RALYL: variants seen among roughly 807,000 people sequenced by gnomAD.
The protein encoded by RALYL is RALY RNA binding protein like, also known as RNA-binding Raly-like protein.
In RALYL, 29 loss-of-function variants were observed where a neutral mutation model predicts 35.1. The observed-to-expected ratio is 0.83, with a 90% CI of 0.61 to 1.13. The LOEUF (loss-of-function observed/expected upper bound fraction) is 1.13, where lower values mean the gene tolerates loss of function less well. RALYL is among the 50% of genes most tolerant of loss of function. The pLI, the probability that RALYL is intolerant of heterozygous loss-of-function variation, is 0.00. For missense variants in RALYL, 359 were observed against 360.4 expected, an observed-to-expected ratio of 1.00 and a Z score of 0.03; for synonymous variants, 120 against 127.6, an observed-to-expected ratio of 0.94 and a Z score of 0.40.
intron 2 of RALYL, among the ~76,000 whole-genome samples, chr8:84,543,940 A>C (rs1554715400): frequency 6.6e-6 from 1 of 152,156 alleles, no homozygotes; most frequent in East Asian, 1.9e-4. Context: ...CTTCTCAATG[A>C]CACTATTATG....
At chr8:84,371,940 G>A (rs1437341009) in intron 1 of RALYL, among the ~76,000 whole-genome samples, 3 of 151,976 alleles carry the variant, frequency 2.0e-5, no homozygotes, top group African/African-American at 7.3e-5. Flanking sequence ...GATGCTGTGT[G>A]CAGCCCGCTA....
At position 84,454,240 on chromosome 8, in the gene RALYL, A is replaced by T. The variant is rs566571303; in HGVS notation, c.-23-75059A>T. On this transcript the variant is annotated intron_variant, in intron 1 of 8. Coordinates refer to ENST00000521268, the MANE Select transcript of RALYL (RefSeq NM_173848.7). The stretch of plus-strand genomic sequence containing the variant: ...GCAGAGTCAGAGTCATATTTTAGAG[A>T]TGTAAGATGGGGGAAGTGGTGACTA... 5.9e-4 allele frequency among the ~76,000 whole-genome samples: 90 copies of T among 151,972 alleles called. 2 individuals are homozygous for T. The South Asian group carries it at 0.018, about 30-fold the overall frequency.
At chr8:84,265,634 T>C (rs1257853698) in intron 1 of RALYL, among the ~76,000 whole-genome samples, 1 of 147,310 alleles carries the variant, frequency 6.8e-6, no homozygotes, top group Non-Finnish European at 1.6e-5. Context: ...ATGAAACCAA[T>C]GTCAGACTGT....
At chr8:84,269,126 ATATTT>A (rs1232193604) in intron 1 of RALYL, among the ~76,000 whole-genome samples, 2 of 152,158 alleles carry the variant, frequency 1.3e-5, no homozygotes, top group African/African-American at 2.4e-5. Context: ...ATTTTTCTAA[ATATTT>A]TAGGTCTTTC....
chr8:84,483,883 C>A (rs1309893274), intron 1 of RALYL, among the ~76,000 whole-genome samples: 1 of 152,144 alleles, frequency 6.6e-6, no homozygotes, highest in South Asian at 2.1e-4. Context: ...TTGTTTTATA[C>A]ATTCTCTGTT....
Position 84,406,061 on chromosome 8 carries a change from TAA to T in RALYL, c.-23-123224_-23-123223del, listed in dbSNP as rs60532162. 2.1e-3 allele frequency among the ~76,000 whole-genome samples: 268 copies of T among 127,160 alleles called. 1 individual carries two copies. The highest frequency in any genetic ancestry group is 5.0e-3 in the African/African-American group (178 of 35,298). 83.4% of individuals were successfully genotyped at this position (127,160 alleles called of 152,430 possible). ...ATTCTGTACCATTTCATACCTAAAG[TAA>T]AAAAAAAAAAAAAGAATAACAAAAA... On this transcript the variant is annotated intron_variant, in intron 1 of 8. Transcript: ENST00000521268.
intron 2 of RALYL, among the ~76,000 whole-genome samples, chr8:84,606,331 A>G (rs1480589771): frequency 6.6e-6 from 1 of 152,146 alleles, no homozygotes; most frequent in Non-Finnish European, 1.5e-5. Context: ...TCCCCCAGTT[A>G]TTTGAGCAGG....
At chr8:84,641,137 C>A (rs1309066645) in intron 2 of RALYL, among the ~76,000 whole-genome samples, 1 of 151,006 alleles carries the variant, frequency 6.6e-6, no homozygotes, top group Non-Finnish European at 1.5e-5. Context: ...TTCTTTATAA[C>A]CTTTTTATTT....
chr8:84,636,921 C>T (rs374333408), intron 2 of RALYL, among the ~76,000 whole-genome samples: 13 of 151,932 alleles, frequency 8.6e-5, no homozygotes, highest in African/African-American at 3.1e-4. Flanking sequence ...ACCCCTTCAC[C>T]TAAATGGAAT....
At chr8:84,672,921 T>C (rs1833540761) in intron 2 of RALYL, among the ~76,000 whole-genome samples, 1 of 152,198 alleles carries the variant, frequency 6.6e-6, no homozygotes, top group Admixed American at 6.5e-5. Flanking sequence ...GTTCATGTTA[T>C]TGCACTAGTC....
chr8:84,678,308 A>C (rs2131925200), intron 2 of RALYL, among the ~76,000 whole-genome samples: 1 of 152,020 alleles, frequency 6.6e-6, no homozygotes, highest in African/African-American at 2.4e-5. Flanking sequence ...TTGTCACCCA[A>C]GCTGGAGTGC....
chr8:84,516,708 A>T (rs2134554234), intron 1 of RALYL, among the ~76,000 whole-genome samples: 1 of 152,290 alleles, frequency 6.6e-6, no homozygotes, highest in South Asian at 2.1e-4. Context: ...AGTCTGCATT[A>T]AGATATCCCA....
intron 1 of RALYL, among the ~76,000 whole-genome samples, chr8:84,464,130 AG>A (rs1587500910): frequency 7.8e-6 from 1 of 128,086 alleles, no homozygotes; most frequent in African/African-American, 2.9e-5. Flanking sequence ...CATTAAAACA[AG>A]TTTTTTTTTT....
intron 8 of RALYL, among the ~76,000 whole-genome samples, chr8:84,916,964 T>G (rs756224504): frequency 1.4e-5 from 2 of 145,708 alleles, no homozygotes; most frequent in Non-Finnish European, 2.9e-5. Context: ...AGTTCCTCCT[T>G]TTTCCTTTTC....
At chr8:84,863,056 G>A (rs1471594335) in intron 6 of RALYL, among the ~76,000 whole-genome samples, 4 of 152,140 alleles carry the variant, frequency 2.6e-5, no homozygotes, top group Non-Finnish European at 5.9e-5. Flanking sequence ...TTTATATGGA[G>A]TGATACAGAA....
At chr8:84,798,815 G>A (rs1002523978) in intron 3 of RALYL, among the ~76,000 whole-genome samples, 1 of 152,162 alleles carries the variant, frequency 6.6e-6, no homozygotes, top group African/African-American at 2.4e-5. Flanking sequence ...ACACACATAT[G>A]CCGAAGCACA....
chr8:84,817,553 T>A (rs1214149789), intron 4 of RALYL, among the ~76,000 whole-genome samples: 5 of 150,034 alleles, frequency 3.3e-5, no homozygotes, highest in Non-Finnish European at 7.4e-5. Context: ...ATTATTATTA[T>A]TATTATTATT....
At chr8:84,435,841 T>C (rs2047654374) in intron 1 of RALYL, among the ~76,000 whole-genome samples, 1 of 152,144 alleles carries the variant, frequency 6.6e-6, no homozygotes, top group Admixed American at 6.6e-5. Context: ...CAGTCTTTCC[T>C]ACTCACCCTA....
At chr8:84,759,413 A>T (rs1246047616) in intron 2 of RALYL, among the ~76,000 whole-genome samples, 1 of 152,184 alleles carries the variant, frequency 6.6e-6, no homozygotes, top group African/African-American at 2.4e-5. Context: ...AATATTTATT[A>T]AAGTCTAGTG....
Sources: allele counts gnomAD v4.1 joint callset (sites outside exome capture counted in the v4.1 genomes callset), GRCh38; gene constraint gnomAD v4.1.1; transcripts MANE v1.5; gene names NCBI Gene and HGNC (gene_info 2026-07-23, HGNC 2026-07-21).